Variants in KIFAP3 observed in about 807,000 individuals in gnomAD.
The protein encoded by KIFAP3 is kinesin-associated protein 3.
Under a neutral mutation model 106.5 loss-of-function variants are expected in KIFAP3, and 68 were observed. That is an observed-to-expected ratio of 0.64 (90% CI 0.53 to 0.78). KIFAP3 has a LOEUF of 0.78. Ranked by LOEUF, KIFAP3 falls within the 30% of genes least tolerant of loss-of-function variation. The pLI is 0.00. For missense variants in KIFAP3, 780 were observed against 941.8 expected, an observed-to-expected ratio of 0.83 and a Z score of 2.25; for synonymous variants, 320 against 311.5, an observed-to-expected ratio of 1.03 and a Z score of -0.29.
At chr1:170,044,423 A>G (rs1398628044) in intron 3 of KIFAP3, among the ~76,000 whole-genome samples, 4 of 152,172 alleles carry the variant, frequency 2.6e-5, no homozygotes, top group Non-Finnish European at 2.9e-5. Flanking sequence ...GTGGAATGCA[A>G]AAGTCTGTGA....
intron 1 of KIFAP3, among the ~76,000 whole-genome samples, chr1:170,059,193 GA>G (rs1180758450): frequency 6.6e-6 from 1 of 151,086 alleles, no homozygotes; most frequent in Non-Finnish European, 1.5e-5. Context: ...AGGAGATAGA[GA>G]CACAAAAAAA....
chr1:170,031,588 T>A (rs970201168), intron 8 of KIFAP3, among the ~76,000 whole-genome samples: 4 of 151,690 alleles, frequency 2.6e-5, no homozygotes, highest in Non-Finnish European at 4.4e-5. Context: ...AACAAGTAAG[T>A]TAGGGCTGAA....
At chr1:169,992,942 CAA>C (rs1457034124) in intron 10 of KIFAP3, among the ~76,000 whole-genome samples, 1 of 152,028 alleles carries the variant, frequency 6.6e-6, no homozygotes, top group Non-Finnish European at 1.5e-5. Context: ...CTTACAATCT[CAA>C]AGTCAGTGAT....
intron 9 of KIFAP3, among the ~76,000 whole-genome samples, chr1:170,022,727 C>A (rs1272827884): frequency 6.6e-6 from 1 of 151,314 alleles, no homozygotes; most frequent in African/African-American, 2.4e-5. Flanking sequence ...TCAAATACTT[C>A]TCTTAATCTT....
rs1270986605 is a variant in KIFAP3 at position 170,044,584 on chromosome 1, G to A, written c.319+2128C>T. Reference sequence around the variant, plus strand: ...CATCTGAAATACCCATGCTCTTTGGGGCAATGTCAGAAACAGTCTAATTGG... The same window carrying A: ...CATCTGAAATACCCATGCTCTTTGGAGCAATGTCAGAAACAGTCTAATTGG... On this transcript the variant is annotated intron_variant, in intron 3 of 19. Transcript: ENST00000361580. 4.6e-5 allele frequency among the ~76,000 whole-genome samples: 7 copies of A among 152,166 alleles called. No individual in the cohort carries two copies. The East Asian group carries it at 1.3e-3, about 29-fold the overall frequency.
At chr1:170,039,314 G>T in intron 3 of KIFAP3, 26 bp from the exon 4 acceptor site, 1 of 1,367,980 alleles carries the variant, frequency 7.3e-7, no homozygotes, top group South Asian at 1.2e-5. Flanking sequence ...TTTTTAATAA[G>T]GAGACTTAGG....
chr1:170,055,179 C>T, intron 2 of KIFAP3, 126 bp downstream of exon 2: 1 of 790,942 alleles, frequency 1.3e-6, no homozygotes, highest in Non-Finnish European at 1.9e-6. Context: ...CTCTCCTTCA[C>T]TAAGATGAAG....
At chr1:170,050,437 G>A (rs1374135552) in intron 2 of KIFAP3, among the ~76,000 whole-genome samples, 1 of 152,168 alleles carries the variant, frequency 6.6e-6, no homozygotes, top group Non-Finnish European at 1.5e-5. Context: ...TTATCCAGGA[G>A]AGCCTCCCCA....
intron 11 of KIFAP3, among the ~76,000 whole-genome samples, chr1:169,991,927 G>A (rs1240338219): frequency 6.6e-6 from 1 of 151,928 alleles, no homozygotes; most frequent in Admixed American, 6.6e-5. Flanking sequence ...TTTTAAGTAT[G>A]TAGAGAGAAG....
At chr1:169,931,730 G>GT (rs1228612423) in intron 19 of KIFAP3, among the ~76,000 whole-genome samples, 1 of 152,056 alleles carries the variant, frequency 6.6e-6, no homozygotes, top group Non-Finnish European at 1.5e-5. Flanking sequence ...TAATACCTTG[G>GT]TTTTTTAAGG....
At chr1:170,004,372 G>C (rs1169641159) in intron 10 of KIFAP3, among the ~76,000 whole-genome samples, 1 of 152,022 alleles carries the variant, frequency 6.6e-6, no homozygotes, top group African/African-American at 2.4e-5. Flanking sequence ...AGTTCATATG[G>C]AGCCAAAAAA....
chr1:170,074,644 A>T lies in KIFAP3; in HGVS notation c.-177T>A. On this transcript the variant is annotated 5_prime_UTR_variant, in exon 1 of 20. Coordinates refer to ENST00000361580, the MANE Select transcript of KIFAP3 (RefSeq NM_014970.4). ...CGGTGAAGCCTCCAGCTCCTCCCACAGCTTCTGTGCCCCAAAACACTGGAG... is the reference window on the plus strand; with the variant it reads ...CGGTGAAGCCTCCAGCTCCTCCCACTGCTTCTGTGCCCCAAAACACTGGAG... 1 of 1,467,802 alleles carries T rather than the reference A, an allele frequency of 6.8e-7. No homozygotes were observed. Among genetic ancestry groups the T allele is most frequent in the Non-Finnish European group, 9.0e-7 (1 of 1,107,782 alleles). 90.9% of individuals were successfully genotyped at this position (1,467,802 alleles called of 1,614,324 possible).
chr1:169,933,299 C>A (rs1397791964), intron 19 of KIFAP3, among the ~76,000 whole-genome samples: 4 of 151,944 alleles, frequency 2.6e-5, no homozygotes, highest in Admixed American at 2.6e-4. Context: ...TATTTAATGT[C>A]CTCTAGAACA....
chr1:170,041,779 G>T, intron 3 of KIFAP3: 1 of 1,531,132 alleles, frequency 6.5e-7, no homozygotes, highest in African/African-American at 1.4e-5. Context: ...GCCTTCTCCT[G>T]ATCTGTTGGC....
chr1:169,984,599 A>C lies in KIFAP3; in HGVS notation c.1376T>G (p.Val459Gly), dbSNP rs1483799711. 3.1e-6 allele frequency: 5 copies of C among 1,597,276 alleles called. No homozygotes were observed. Among genetic ancestry groups the C allele is most frequent in the African/African-American group, 1.3e-5 (1 of 74,642 alleles). The change falls in exon 12 of 20, where the codon GTA becomes GGA. Residue 459 changes from valine to glycine, a missense_variant. This residue lies in a region of KIFAP3 where 588 missense variants were observed against 678.9 expected (regional missense o/e 0.87). Transcript: ENST00000361580. ...GCACTGACCTTCACAGATAAGCTGT[A>C]CATTTCTTTTGTTAGCAGCAAGATT... ...CINLAANKRN[V>G]QLICEGNGLK...
chr1:170,007,749 CAG>C (rs1368002747), intron 10 of KIFAP3, among the ~76,000 whole-genome samples: 2 of 152,002 alleles, frequency 1.3e-5, no homozygotes, highest in Non-Finnish European at 2.9e-5. Context: ...AGTTTCTTCA[CAG>C]AATTAGAAAA....
At chr1:170,079,905 A>G (rs933993766) in intron 1 of KIFAP3, among the ~76,000 whole-genome samples, 10 of 151,980 alleles carry the variant, frequency 6.6e-5, no homozygotes, top group African/African-American at 2.4e-4. Flanking sequence ...TCTATAAACA[A>G]GGGATGTCTT....
At chr1:169,989,719 T>C (rs1667007028) in intron 11 of KIFAP3, among the ~76,000 whole-genome samples, 1 of 152,050 alleles carries the variant, frequency 6.6e-6, no homozygotes, top group Non-Finnish European at 1.5e-5. Flanking sequence ...CAAGCGTAAT[T>C]AGTTTATCCC....
At chr1:169,942,013 A>G (rs1321289530) in intron 19 of KIFAP3, among the ~76,000 whole-genome samples, 1 of 128,552 alleles carries the variant, frequency 7.8e-6, no homozygotes, top group Non-Finnish European at 1.6e-5. Context: ...GACCCATTTG[A>G]TAAGATGGTA....
Sources: allele counts gnomAD v4.1 joint callset (sites outside exome capture counted in the v4.1 genomes callset), GRCh38; gene constraint gnomAD v4.1.1; regional missense constraint gnomAD v4.1.1; transcripts MANE v1.5; gene names NCBI Gene and HGNC (gene_info 2026-07-23, HGNC 2026-07-21).